Variants in FOXN3 observed in about 807,000 individuals in gnomAD.
FOXN3 encodes forkhead box N3.
A neutral mutation model predicts 38.4 loss-of-function variants in FOXN3; 7 were observed. The ratio of observed to expected loss-of-function variants is 0.18; its 90% confidence interval spans 0.10 to 0.34. The LOEUF is 0.34. Among genes scored for constraint, FOXN3 ranks in the 10% least tolerant of loss-of-function variants. FOXN3 has a pLI of 1.00. For synonymous variants in FOXN3, 230 were observed against 242.2 expected (o/e 0.95, Z 0.47); for missense variants, 456 against 613.4 (o/e 0.74, Z 2.71).
chr14:89,274,416 G>A (rs1435741138), intron 4 of FOXN3, among the ~76,000 whole-genome samples: 1 of 152,234 alleles, frequency 6.6e-6, no homozygotes, highest in Non-Finnish European at 1.5e-5. Context: ...AGCTGACTTC[G>A]TATGGAGCAT....
chr14:89,250,913 T>C (rs1885436232), intron 4 of FOXN3, among the ~76,000 whole-genome samples: 1 of 152,196 alleles, frequency 6.6e-6, no homozygotes. Context: ...TGCTCCTCCT[T>C]TGCCTTCTGC....
intron 1 of FOXN3, among the ~76,000 whole-genome samples, chr14:89,505,103 T>C (rs1893884183): frequency 6.6e-6 from 1 of 152,204 alleles, no homozygotes; most frequent in African/African-American, 2.4e-5. Flanking sequence ...GGCTGAGTTA[T>C]GATGGTCAAA....
intron 1 of FOXN3, among the ~76,000 whole-genome samples, chr14:89,568,695 T>TG (rs1243181765): frequency 6.6e-6 from 1 of 152,238 alleles, no homozygotes; most frequent in Admixed American, 6.5e-5. Flanking sequence ...GGGCCCCCTC[T>TG]GGTCTTCTTA....
chr14:89,536,783 T>A (rs372487214), intron 1 of FOXN3, among the ~76,000 whole-genome samples: 2 of 150,592 alleles, frequency 1.3e-5, no homozygotes, highest in East Asian at 2.0e-4. Context: ...ATCTCAAAAA[T>A]AAAAAAAAAA....
At chr14:89,265,452 G>A (rs781655314) in intron 4 of FOXN3, among the ~76,000 whole-genome samples, 20 of 152,162 alleles carry the variant, frequency 1.3e-4, no homozygotes, top group Non-Finnish European at 1.8e-4. Flanking sequence ...GAGAATCACT[G>A]TAATCAGACC....
At chr14:89,502,684 T>G (rs1893827831) in intron 1 of FOXN3, among the ~76,000 whole-genome samples, 1 of 152,234 alleles carries the variant, frequency 6.6e-6, no homozygotes, top group African/African-American at 2.4e-5. Context: ...GTATAAATTA[T>G]ATTTCATGGG....
intron 3 of FOXN3, among the ~76,000 whole-genome samples, chr14:89,289,181 CAAAAAAAAA>C (rs368044925): frequency 9.5e-6 from 1 of 105,120 alleles, no homozygotes; most frequent in Non-Finnish European, 1.9e-5. Context: ...AATTCTGTCT[CAAAAAAAAA>C]AAAAAAAGAA....
chr14:89,558,129 T>C (rs1450289557), intron 1 of FOXN3, among the ~76,000 whole-genome samples: 18 of 152,226 alleles, frequency 1.2e-4, no homozygotes, highest in Admixed American at 1.2e-3. Context: ...ACCTTATAGA[T>C]GTAAAAATTC....
At chr14:89,478,227 T>C (rs1893251739) in intron 1 of FOXN3, among the ~76,000 whole-genome samples, 1 of 152,182 alleles carries the variant, frequency 6.6e-6, no homozygotes, top group South Asian at 2.1e-4. Flanking sequence ...CCCACCTTGC[T>C]TTCTGCCATG....
chr14:89,201,600 A>G (rs1371519502), intron 4 of FOXN3, among the ~76,000 whole-genome samples: 1 of 152,186 alleles, frequency 6.6e-6, no homozygotes, highest in African/African-American at 2.4e-5. Context: ...TGGGACCAGG[A>G]AGCCCCTTGA....
At chr14:89,347,203 T>C (rs1331717120) in intron 3 of FOXN3, among the ~76,000 whole-genome samples, 4 of 152,150 alleles carry the variant, frequency 2.6e-5, no homozygotes, top group African/African-American at 9.7e-5. Flanking sequence ...AAAATGTAAT[T>C]AGTTAAATAG....
intron 1 of FOXN3, among the ~76,000 whole-genome samples, chr14:89,486,080 C>T (rs562378935): frequency 4.3e-4 from 66 of 152,332 alleles, no homozygotes; most frequent in Middle Eastern, 3.4e-3. Context: ...GTCAACTTTG[C>T]CTAAACTGTG....
In FOXN3 at chr14:89,368,928, G is replaced by A. The variant is rs575359805; in HGVS notation, c.544-18120C>T. On this transcript the variant is annotated intron_variant, in intron 2 of 5. Coordinates refer to ENST00000557258, the MANE Select transcript of FOXN3 (RefSeq NM_005197.4). ...CCAGGGGTTAAGAGTTACTTGATTA[G>A]GAAGCATAGGGGAAAAGATCCCTGG... is the stretch of plus-strand genomic sequence containing the variant. Among the ~76,000 whole-genome samples the A allele has an allele frequency of 5.9e-5, 9 of 152,212 alleles. No individual in the cohort carries two copies. In the East Asian group the frequency reaches 1.4e-3, roughly 23 times the overall value.
chr14:89,575,740 C>T (rs1320069257), intron 1 of FOXN3, among the ~76,000 whole-genome samples: 1 of 152,194 alleles, frequency 6.6e-6, no homozygotes, highest in Admixed American at 6.5e-5. Context: ...TGGTCTCTAA[C>T]AACTGTTTCT....
intron 4 of FOXN3, among the ~76,000 whole-genome samples, chr14:89,202,338 T>C (rs1244063788): frequency 6.6e-6 from 1 of 152,248 alleles, no homozygotes; most frequent in East Asian, 1.9e-4. Context: ...ACTGTGTTCT[T>C]TCTGGGTAGA....
intron 1 of FOXN3, among the ~76,000 whole-genome samples, chr14:89,616,212 A>G (rs1896489534): frequency 7.0e-6 from 1 of 143,044 alleles, no homozygotes; most frequent in Non-Finnish European, 1.5e-5. Context: ...TTGGGGGTGG[A>G]GGCTAGGGGG....
chr14:89,345,696 G>GCACC (rs1444592626), intron 3 of FOXN3, among the ~76,000 whole-genome samples: 2 of 151,682 alleles, frequency 1.3e-5, no homozygotes, highest in African/African-American at 4.9e-5. Context: ...TCACAGTTTA[G>GCACC]CACCCACTTA....
At chr14:89,384,305 T>C (rs1014761961) in intron 2 of FOXN3, among the ~76,000 whole-genome samples, 1 of 143,578 alleles carries the variant, frequency 7.0e-6, no homozygotes, top group Non-Finnish European at 1.6e-5. Context: ...TGCTTCACTG[T>C]GCTCACTTTG....
At chr14:89,224,019 C>A (rs1343252119) in intron 4 of FOXN3, among the ~76,000 whole-genome samples, 1 of 151,646 alleles carries the variant, frequency 6.6e-6, no homozygotes, top group Non-Finnish European at 1.5e-5. Flanking sequence ...AATAACAGAC[C>A]AGCCTTGAGA....
Sources: allele counts gnomAD v4.1 joint callset (sites outside exome capture counted in the v4.1 genomes callset), GRCh38; gene constraint gnomAD v4.1.1; transcripts MANE v1.5; gene names NCBI Gene and HGNC (gene_info 2026-07-23, HGNC 2026-07-21).